Variants in STAU1 observed in about 807,000 individuals in gnomAD.
STAU1 encodes double-stranded RNA-binding protein Staufen homolog 1.
In STAU1, 13 loss-of-function variants were observed where a neutral mutation model predicts 62.9. The observed-to-expected ratio is 0.21, with a 90% confidence interval of 0.13 to 0.33. The LOEUF (loss-of-function observed/expected upper bound fraction) is 0.33, where lower values mean the gene tolerates loss of function less well. Ranked by LOEUF, STAU1 falls within the 10% of genes least tolerant of loss-of-function variation. The probability of loss-of-function intolerance (pLI) is 1.00; values close to 1 mark genes in which losing one functional copy is unlikely to be tolerated. For synonymous variants in STAU1, 269 were observed against 265.1 expected (o/e 1.01, Z -0.14); for missense variants, 571 against 712.1 (o/e 0.80, Z 2.25).
At chr20:49,170,242 T>C (rs61588632) in intron 2 of STAU1, among the ~76,000 whole-genome samples, 1,798 of 152,322 alleles carry the variant, frequency 0.012, 40 homozygotes, top group African/African-American at 0.04. Context: ...CTATCTGCAA[T>C]CGTGCTTAGT....
At position 49,113,553 on chromosome 20, in the gene STAU1, C is replaced by G. The variant is rs2092231754; in HGVS notation, c.*1325G>C. 1 of 152,576 alleles carries G rather than the reference C, an allele frequency of 6.6e-6. No homozygotes were observed. Among genetic ancestry groups the G allele is most frequent in the African/African-American group, 2.4e-5 (1 of 41,426 alleles). The allele number at this position is 152,576 out of a possible 1,614,324, so 9.5% of individuals were successfully genotyped here. A position where few individuals can be genotyped will look rare whatever the true frequency, so the allele number is the denominator to read the frequency against. On this transcript the variant is annotated 3_prime_UTR_variant, in exon 14 of 14. Coordinates refer to ENST00000371856, the MANE Select transcript of STAU1 (RefSeq NM_017453.4). Reference sequence around the variant, plus strand: ...TATTACCATTTATTGATGACAAACACTTAAGTTTTACTTACATTCCATGGG... The same window carrying G: ...TATTACCATTTATTGATGACAAACAGTTAAGTTTTACTTACATTCCATGGG...
At chr20:49,165,436 T>G (rs1485469384) in intron 3 of STAU1, among the ~76,000 whole-genome samples, 1 of 152,142 alleles carries the variant, frequency 6.6e-6, no homozygotes, top group Non-Finnish European at 1.5e-5. Context: ...CCTCCAGGGT[T>G]CAGGCAATTA....
At chr20:49,207,880 A>G in the STAU1 span, among the ~76,000 whole-genome samples, 2 of 150,674 alleles carry the variant, frequency 1.3e-5, no homozygotes, top group East Asian at 3.9e-4. Flanking sequence ...GACCAAGATA[A>G]TTTTATTTTA....
chr20:49,195,898 CAAAAAAAAAAAA>C, the STAU1 span, among the ~76,000 whole-genome samples: 8 of 33,876 alleles, frequency 2.4e-4, no homozygotes, highest in South Asian at 0.012. Flanking sequence ...AACTTCCTCT[CAAAAAAAAAAAA>C]AAAAAAAGAA....
At chr20:49,158,512 C>A (rs2093398764) in intron 3 of STAU1, 1 of 1,303,842 alleles carries the variant, frequency 7.7e-7, no homozygotes, top group African/African-American at 1.5e-5. Flanking sequence ...AGGAAAAAAA[C>A]AAAGAATCCT....
the STAU1 span, among the ~76,000 whole-genome samples, chr20:49,217,342 T>A: frequency 2.0e-5 from 3 of 152,134 alleles, no homozygotes; most frequent in Non-Finnish European, 4.4e-5. Context: ...AGTACAAACA[T>A]GGTTCCTGGA....
intron 6 of STAU1, among the ~76,000 whole-genome samples, chr20:49,126,599 C>CAAAACAAAAAAAAAAAAAAAAAAAA (rs2092629715): frequency 1.7e-5 from 1 of 57,286 alleles, no homozygotes; most frequent in African/African-American, 5.7e-5. Flanking sequence ...AAAAAAAAAA[C>CAAAACAAAAAAAAAAAAAAAAAAAA]AAAAAAACTT....
At chr20:49,128,343 A>T (rs1488836134) in intron 6 of STAU1, among the ~76,000 whole-genome samples, 4 of 151,984 alleles carry the variant, frequency 2.6e-5, no homozygotes, top group African/African-American at 9.7e-5. Flanking sequence ...AATAAAATAA[A>T]CTTGTTATTT....
chr20:49,208,110 A>G, the STAU1 span, among the ~76,000 whole-genome samples: 1 of 152,208 alleles, frequency 6.6e-6, no homozygotes, highest in South Asian at 2.1e-4. Context: ...TCCAGGCTGG[A>G]GTGCAGTGGC....
chr20:49,196,026 G>A, the STAU1 span, among the ~76,000 whole-genome samples: 485 of 148,564 alleles, frequency 3.3e-3, 3 homozygotes, highest in African/African-American at 0.011. Context: ...ATCACTTGAG[G>A]TCAGGAGAAT....
At chr20:49,144,959 T>C (rs2093093845) in intron 5 of STAU1, among the ~76,000 whole-genome samples, 1 of 152,186 alleles carries the variant, frequency 6.6e-6, no homozygotes, top group Admixed American at 6.5e-5. Flanking sequence ...GATCCCATCA[T>C]GTAAAGACTT....
At chr20:49,200,939 T>C in the STAU1 span, among the ~76,000 whole-genome samples, 1 of 148,898 alleles carries the variant, frequency 6.7e-6, no homozygotes, top group East Asian at 2.0e-4. Flanking sequence ...CTCAGGAGGC[T>C]GAGGCAGGAG....
Position 49,166,139 on chromosome 20 carries a change from C to T in STAU1, c.63G>A (p.Leu21=), listed in dbSNP as rs751099023. ...GTGAGAGAAGAGACTGGTTCTTGTT[C>T]AGTATTTGGCTCCCTGAGAGAGCAG... ...PSAALSGSQI[L]NKNQSLLSQP... Residue 21 remains leucine (L), a synonymous_variant, in exon 3 of 14, where the codon CTG becomes CTA. Coordinates refer to ENST00000371856, the MANE Select transcript of STAU1 (RefSeq NM_017453.4). 6.2e-7 allele frequency: 1 copy of T among 1,614,138 alleles called. No homozygotes were observed. The highest frequency in any genetic ancestry group is 8.5e-7 in the Non-Finnish European group (1 of 1,180,038).
chr20:49,141,271 G>A (rs898301004), intron 5 of STAU1, among the ~76,000 whole-genome samples: 2 of 152,088 alleles, frequency 1.3e-5, no homozygotes, highest in African/African-American at 4.8e-5. Flanking sequence ...TACTACTGAC[G>A]TCGGACTGTT....
intron 3 of STAU1, among the ~76,000 whole-genome samples, chr20:49,161,639 C>A (rs2093449784): frequency 6.6e-6 from 1 of 152,150 alleles, no homozygotes; most frequent in African/African-American, 2.4e-5. Flanking sequence ...AACTCATTCA[C>A]AAGACACAAC....
At chr20:49,202,729 A>AG in the STAU1 span, among the ~76,000 whole-genome samples, 1 of 151,664 alleles carries the variant, frequency 6.6e-6, no homozygotes, top group Non-Finnish European at 1.5e-5. Context: ...CTCTACAAAA[A>AG]GAAAAAAAAG....
chr20:49,193,427 C>A, the STAU1 span, among the ~76,000 whole-genome samples: 3 of 151,994 alleles, frequency 2.0e-5, no homozygotes, highest in African/African-American at 7.2e-5. Context: ...AATCCGAGTT[C>A]TTTGGGAGGC....
intron 5 of STAU1, among the ~76,000 whole-genome samples, chr20:49,142,634 GTTTT>G (rs1015219792): frequency 1.3e-5 from 2 of 152,100 alleles, no homozygotes; most frequent in African/African-American, 4.8e-5. Context: ...CTGGATAGCA[GTTTT>G]ATTTATAGTA....
At chr20:49,125,912 C>T (rs1020032936) in intron 6 of STAU1, among the ~76,000 whole-genome samples, 9 of 151,812 alleles carry the variant, frequency 5.9e-5, no homozygotes, top group Non-Finnish European at 1.2e-4. Flanking sequence ...CGGGATGAGA[C>T]GGGAATGATA....
Sources: gnomAD v4.1 joint callset for allele counts (sites outside exome capture counted in the v4.1 genomes callset) on GRCh38, gnomAD v4.1.1 for gene constraint, MANE v1.5 for transcripts, NCBI Gene and HGNC (gene_info 2026-07-23, HGNC 2026-07-21) for gene names.